The following POC1B variants were observed in gnomAD, a reference collection of about 807,000 sequenced individuals.
POC1B encodes the protein POC1 centriolar protein B, also known as POC1 centriolar protein homolog B.
In POC1B, 44 loss-of-function variants were observed where a neutral mutation model predicts 60.6. That is an observed-to-expected ratio of 0.73 (90% CI 0.57 to 0.93). The LOEUF (loss-of-function observed/expected upper bound fraction) is 0.93, where lower values mean the gene tolerates loss of function less well. Ranked by LOEUF, POC1B falls within the 40% of genes least tolerant of loss-of-function variation. POC1B has a pLI of 0.00. For synonymous variants in POC1B, 180 were observed against 198.9 expected (o/e 0.90, Z 0.80); for missense variants, 555 against 572.3 (o/e 0.97, Z 0.31).
intron 2 of POC1B, chr12:89,524,067 A>G (rs1048811360): frequency 5.6e-6 from 9 of 1,613,808 alleles, no homozygotes; most frequent in Non-Finnish European, 7.6e-6. Context: ...CTGCAGGAGA[A>G]GTTTCTAAAA....
intron 10 of POC1B, among the ~76,000 whole-genome samples, chr12:89,439,562 C>G (rs938773048): frequency 2.6e-5 from 4 of 152,054 alleles, no homozygotes; most frequent in Non-Finnish European, 4.4e-5. Context: ...AGCACACTGT[C>G]CATGAATCAT....
intron 2 of POC1B, 92 bp downstream of exon 2, chr12:89,525,028 G>A: frequency 6.4e-7 from 1 of 1,558,560 alleles, no homozygotes; most frequent in African/African-American, 1.4e-5. Context: ...GCCCTTAGCC[G>A]TTCTCCTAGG....
intron 2 of POC1B, among the ~76,000 whole-genome samples, chr12:89,509,096 CTTAA>C (rs1870047154): frequency 6.6e-6 from 1 of 152,174 alleles, no homozygotes; most frequent in African/African-American, 2.4e-5. Flanking sequence ...TGATTTACTA[CTTAA>C]TTGATGTTTA....
intron 9 of POC1B, among the ~76,000 whole-genome samples, chr12:89,464,096 A>G (rs1056105068): frequency 3.3e-5 from 5 of 152,240 alleles, no homozygotes; most frequent in Non-Finnish European, 7.3e-5. Context: ...TCACTTAGAT[A>G]CCATTTATTC....
chr12:89,515,983 T>C (rs1173944606), intron 2 of POC1B, among the ~76,000 whole-genome samples: 1 of 152,178 alleles, frequency 6.6e-6, no homozygotes, highest in Non-Finnish European at 1.5e-5. Context: ...TTTCTGAGAT[T>C]ATAACTATAC....
intron 4 of POC1B, 28 bp downstream of exon 4, chr12:89,491,908 A>G (rs768417361): frequency 7.6e-6 from 11 of 1,449,308 alleles, no homozygotes; most frequent in Non-Finnish European, 1.0e-5. Context: ...ATATGTGGAC[A>G]TCTTAATATG....
intron 2 of POC1B, chr12:89,521,642 A>G (rs1451722826): frequency 5.3e-6 from 1 of 188,834 alleles, no homozygotes; most frequent in African/African-American, 2.3e-5. Flanking sequence ...ACTAAGCCCA[A>G]ACACATCATA....
intron 4 of POC1B, among the ~76,000 whole-genome samples, chr12:89,490,104 A>C (rs886883764): frequency 6.6e-6 from 1 of 152,140 alleles, no homozygotes; most frequent in African/African-American, 2.4e-5. Context: ...GCCCCCAGAC[A>C]CTACAAAGAG....
rs754782293 is a variant in POC1B, at chr12:89,492,086, T to C, written c.302A>G (p.His101Arg). Residue 101 changes from histidine (H) to arginine (R), a missense_variant, in exon 4 of 12, where the codon CAT becomes CGT. His to Arg is a conservative substitution (Grantham distance 29, BLOSUM62 0). Coordinates refer to ENST00000313546, the MANE Select transcript of POC1B (RefSeq NM_172240.3). Reference protein sequence around the residue: ...KRGKFSEFKAHTAPVRSVDFS... With the variant: ...KRGKFSEFKARTAPVRSVDFS... ...GTCTACACTTCGAACTGGAGCTGTA[T>C]GAGCTTTAAATTCTGAGAATTTTCC... is the stretch of plus-strand genomic sequence containing the variant. The C allele has an allele frequency of 3.8e-6, 6 of 1,578,574 alleles. No homozygotes were observed. Among genetic ancestry groups the C allele is most frequent in the South Asian group, 2.4e-5 (2 of 84,476 alleles).
rs775138712 is a variant in POC1B, at chr12:89,525,138, G to A, written c.82C>T (p.Pro28Ser). The A allele has an allele frequency of 6.2e-7, 1 of 1,614,070 alleles. No homozygotes were observed. The highest frequency in any genetic ancestry group is 8.5e-7 in the Non-Finnish European group (1 of 1,179,914). Residue 28 changes from proline (P) to serine (S), a missense_variant, in exon 2 of 12, where the codon CCC becomes TCC. By Grantham distance (74) the Pro-to-Ser change is moderately conservative. Transcript: ENST00000313546. ...KAAITSLDLSPNGKQLATASW... is the reference protein window; with the variant it reads ...KAAITSLDLSSNGKQLATASW... ...GACTTACCAAGTTGCTTGCCGTTGG[G>A]GCTGAGGTCCAAGGAGGTGATCGCA...
At chr12:89,410,373 G>A in the POC1B span, among the ~76,000 whole-genome samples, 1 of 152,140 alleles carries the variant, frequency 6.6e-6, no homozygotes, top group Non-Finnish European at 1.5e-5. Flanking sequence ...AAAGCTGGAA[G>A]CATTCCCTTT....
the POC1B span, among the ~76,000 whole-genome samples, chr12:89,407,575 T>C: frequency 6.6e-6 from 1 of 152,176 alleles, no homozygotes; most frequent in East Asian, 1.9e-4. Context: ...TGGCACCTAA[T>C]TTGAAAACCA....
At chr12:89,507,665 C>G (rs1412276746) in intron 2 of POC1B, among the ~76,000 whole-genome samples, 3 of 152,190 alleles carry the variant, frequency 2.0e-5, no homozygotes, top group Non-Finnish European at 2.9e-5. Context: ...GAAGAAAGAA[C>G]AAAGCCCATG....
the POC1B span, among the ~76,000 whole-genome samples, chr12:89,402,230 C>T: frequency 1.2e-4 from 19 of 152,218 alleles, 2 homozygotes; most frequent in South Asian, 3.5e-3. Context: ...ATGAGTTATT[C>T]CCCACAGCTA....
At chr12:89,432,680 C>G (rs1481895081) in intron 10 of POC1B, among the ~76,000 whole-genome samples, 2 of 152,098 alleles carry the variant, frequency 1.3e-5, no homozygotes, top group East Asian at 1.9e-4. Flanking sequence ...TGTAGCTATG[C>G]TGATGCAAAT....
intron 11 of POC1B, 113 bp from the exon 12 acceptor site, chr12:89,421,370 A>G: frequency 2.4e-6 from 2 of 850,906 alleles, no homozygotes; most frequent in Non-Finnish European, 3.5e-6. Flanking sequence ...CCCTTCTACC[A>G]AGAAGTTGGC....
the POC1B span, among the ~76,000 whole-genome samples, chr12:89,405,305 G>C: frequency 1.3e-5 from 2 of 152,102 alleles, no homozygotes; most frequent in African/African-American, 4.8e-5. Flanking sequence ...AACAAATATG[G>C]GCTCTCATTT....
intron 4 of POC1B, among the ~76,000 whole-genome samples, chr12:89,487,408 T>G (rs1236217849): frequency 6.6e-6 from 1 of 152,176 alleles, no homozygotes; most frequent in East Asian, 1.9e-4. Flanking sequence ...ACATTTTCAG[T>G]GACTCCTCCC....
intron 2 of POC1B, among the ~76,000 whole-genome samples, chr12:89,504,048 C>T (rs1329626864): frequency 3.3e-5 from 5 of 152,310 alleles, no homozygotes; most frequent in Admixed American, 2.0e-4. Flanking sequence ...TCTGCCCGGC[C>T]GCCCCTTCTG....
Sources: gnomAD v4.1 joint callset for allele counts (sites outside exome capture counted in the v4.1 genomes callset) on GRCh38, gnomAD v4.1.1 for gene constraint, MANE v1.5 for transcripts, NCBI Gene and HGNC (gene_info 2026-07-23, HGNC 2026-07-21) for gene names.